The following CLUAP1 variants were observed in gnomAD, a reference collection of about 807,000 sequenced individuals.
The protein encoded by CLUAP1 is clusterin-associated protein 1.
CLUAP1 carries 50 observed loss-of-function variants against 55.0 expected under a neutral mutation model. The ratio of observed to expected loss-of-function variants is 0.91; its 90% CI spans 0.72 to 1.15. The LOEUF (loss-of-function observed/expected upper bound fraction) is 1.15. Ranked by LOEUF, CLUAP1 falls within the 50% of genes most tolerant of loss-of-function variation. The pLI is 0.00. For synonymous variants in CLUAP1, 195 were observed against 175.4 expected, an observed-to-expected ratio of 1.11 and a Z score of -0.88; for missense variants, 530 against 507.6, an observed-to-expected ratio of 1.04 and a Z score of -0.42.
In CLUAP1 at chr16:3,532,897, T is replaced by C. The variant is rs565817506; in HGVS notation, c.1092+56T>C. 9.5e-6 allele frequency: 15 copies of C among 1,583,172 alleles called. No homozygotes were observed. In the African/African-American group the frequency reaches 1.9e-4, roughly 20 times the overall value. On this transcript the variant is annotated intron_variant, in intron 11 of 11. Coordinates refer to ENST00000576634, the MANE Select transcript of CLUAP1 (RefSeq NM_015041.3). ...TGCACTCTGGGTTTGGCTGTCCCCATAGATGGGAGTGGCTGAGTTGCTGTC... is the reference window on the plus strand; with the variant it reads ...TGCACTCTGGGTTTGGCTGTCCCCACAGATGGGAGTGGCTGAGTTGCTGTC...
chr16:3,527,459 CGTTGCCAA>C (rs1167630851), intron 9 of CLUAP1, among the ~76,000 whole-genome samples: 8 of 152,094 alleles, frequency 5.3e-5, no homozygotes, highest in African/African-American at 1.9e-4. Context: ...GGAAGCCGCC[CGTTGCCAA>C]GTGGACCGTG....
upstream of CLUAP1, chr16:3,496,863 TTTTTC>T (rs934897912): frequency 1.4e-5 from 4 of 287,978 alleles, no homozygotes; most frequent in Admixed American, 1.7e-4. Context: ...GATTTTTCTT[TTTTTC>T]TTTTCTTTTT....
At chr16:3,512,043 G>A (rs569110801) in intron 4 of CLUAP1, among the ~76,000 whole-genome samples, 2 of 152,102 alleles carry the variant, frequency 1.3e-5, no homozygotes, top group African/African-American at 2.4e-5. Flanking sequence ...AAAATTAGCC[G>A]GGCGTGGTGG....
intron 7 of CLUAP1, among the ~76,000 whole-genome samples, chr16:3,522,588 G>GGCTGGAGT (rs1469268617): frequency 6.6e-6 from 1 of 151,966 alleles, no homozygotes; most frequent in Non-Finnish European, 1.5e-5. Flanking sequence ...CAGGCTGGAG[G>GGCTGGAGT]GCTGGAGTGC....
intron 11 of CLUAP1, chr16:3,533,411 C>T (rs1286525552): frequency 1.6e-5 from 8 of 506,438 alleles, no homozygotes; most frequent in East Asian, 3.4e-5. Context: ...TGAAGGAGGA[C>T]GCCGAGGGCC....
Position 3,516,015 on chromosome 16 carries a change from T to C in CLUAP1, c.579+424T>C, listed in dbSNP as rs929146520. ...TCAGTTATCCTCTCATCTAAAGCAG[T>C]CAGTTGGAAGGCAGATCATGAGGGT... is the stretch of plus-strand genomic sequence containing the variant. On this transcript the variant is annotated intron_variant, in intron 6 of 11. Coordinates refer to ENST00000576634, the MANE Select transcript of CLUAP1 (RefSeq NM_015041.3). Among the ~76,000 whole-genome samples, 11 of 152,310 alleles carry C rather than the reference T, an allele frequency of 7.2e-5. No individual in the cohort carries two copies. In the South Asian group the frequency reaches 2.3e-3, roughly 32 times the overall value.
At chr16:3,528,972 T>C (rs958970351) in intron 9 of CLUAP1, among the ~76,000 whole-genome samples, 2 of 152,122 alleles carry the variant, frequency 1.3e-5, no homozygotes, top group Non-Finnish European at 2.9e-5. Context: ...TGTAACAGAA[T>C]ACCTGAGACT....
At chr16:3,520,125 C>A (rs1007756664) in intron 7 of CLUAP1, 89 bp downstream of exon 7, 3 of 1,335,842 alleles carry the variant, frequency 2.2e-6, no homozygotes, top group African/African-American at 1.5e-5. Flanking sequence ...GAAATCTCAG[C>A]TACTCATGAA....
chr16:3,521,835 G>A (rs1210434939), intron 7 of CLUAP1, among the ~76,000 whole-genome samples: 4 of 151,864 alleles, frequency 2.6e-5, no homozygotes, highest in Admixed American at 6.6e-5. Context: ...CGGGCAGATC[G>A]CTTGAACTCA....
At chr16:3,503,782 C>T (rs1370031658) in intron 1 of CLUAP1, among the ~76,000 whole-genome samples, 1 of 152,126 alleles carries the variant, frequency 6.6e-6, no homozygotes. Context: ...TCTGTATTCA[C>T]ATTTCCCAGA....
At chr16:3,508,738 C>T (rs574323786) in intron 4 of CLUAP1, among the ~76,000 whole-genome samples, 1 of 152,290 alleles carries the variant, frequency 6.6e-6, no homozygotes, top group South Asian at 2.1e-4. Flanking sequence ...TTATTCTCTT[C>T]AGTTAGGGGA....
chr16:3,505,452 C>G (rs1229503699), intron 2 of CLUAP1, among the ~76,000 whole-genome samples: 2 of 151,572 alleles, frequency 1.3e-5, no homozygotes, highest in Non-Finnish European at 2.9e-5. Context: ...ATGGAGTGAA[C>G]CCGGGAGGCG....
At chr16:3,496,553 G>A, upstream of CLUAP1, 1 of 548,314 alleles carries the variant, frequency 1.8e-6, no homozygotes. Flanking sequence ...CCTCAGGGTG[G>A]GGGCCAAGAT....
chr16:3,515,309 G>A (rs1487643506), intron 5 of CLUAP1, 199 bp from the exon 6 acceptor site: 1 of 443,280 alleles, frequency 2.3e-6, no homozygotes, highest in Non-Finnish European at 3.9e-6. Context: ...GGAGGACCTT[G>A]AGCTCTGGAG....
In CLUAP1 at chr16:3,520,148, G is replaced by T. The variant is rs369393740; in HGVS notation, c.713+112G>T. Reference sequence around the variant, plus strand: ...AGCTACTCATGAAGCTGGGGCGGGGGGTTCTCTTGAGCCCAGGAGTTTGAG... The same window carrying T: ...AGCTACTCATGAAGCTGGGGCGGGGTGTTCTCTTGAGCCCAGGAGTTTGAG... On this transcript the variant is annotated intron_variant, in intron 7 of 11. Transcript: ENST00000576634. 2.3e-5 allele frequency: 26 copies of T among 1,120,196 alleles called. No individual in the cohort carries two copies. The South Asian group carries it at 2.4e-4, about 11-fold the overall frequency. The allele number at this position is 1,120,196 out of a possible 1,614,324, so 69.4% of individuals were successfully genotyped here. A position where few individuals can be genotyped will look rare whatever the true frequency, so the allele number is the denominator to read the frequency against.
upstream of CLUAP1, among the ~76,000 whole-genome samples, chr16:3,499,891 CA>C (rs1227479558): frequency 6.6e-6 from 1 of 152,222 alleles, no homozygotes; most frequent in Non-Finnish European, 1.5e-5. Flanking sequence ...GCCAGTCTGC[CA>C]AAACACAGAA....
rs751147953 is a variant in CLUAP1, at chr16:3,530,602, C to T, written c.963C>T (p.Asp321=). ...ACTCGGACATAGACATCCAGGAGGA[C>T]GATGAATCCGACAGTGAGTTGGAAG... ...NDDSDIDIQE[D]DESDSELEER... Residue 321 remains aspartate (D), a synonymous_variant, in exon 10 of 12, where the codon GAC becomes GAT. Transcript: ENST00000576634. The T allele has an allele frequency of 3.0e-5, 49 of 1,613,808 alleles. No individual in the cohort carries two copies. Among genetic ancestry groups the T allele is most frequent in the Admixed American group, 6.7e-5 (4 of 59,998 alleles).
chr16:3,501,558 G>A (rs1477067367), intron 1 of CLUAP1, among the ~76,000 whole-genome samples: 2 of 152,272 alleles, frequency 1.3e-5, no homozygotes, highest in Admixed American at 1.3e-4. Context: ...CGAGGCGGGC[G>A]AATCACCTGA....
At chr16:3,501,498 G>T (rs2037401286) in intron 1 of CLUAP1, among the ~76,000 whole-genome samples, 1 of 152,184 alleles carries the variant, frequency 6.6e-6, no homozygotes, top group Admixed American at 6.5e-5. Flanking sequence ...AAACCGAACA[G>T]CAGGCCGGGC....
Sources: allele counts gnomAD v4.1 joint callset (sites outside exome capture counted in the v4.1 genomes callset), GRCh38; gene constraint gnomAD v4.1.1; transcripts MANE v1.5; gene names NCBI Gene and HGNC (gene_info 2026-07-23, HGNC 2026-07-21).